The following NTSR2 variants were observed in gnomAD, a reference collection of about 807,000 sequenced individuals.
NTSR2 encodes neurotensin receptor type 2.
In NTSR2, 22 loss-of-function variants were observed where a neutral mutation model predicts 24.1. That is an observed-to-expected ratio of 0.91 (90% confidence interval 0.65 to 1.30). The LOEUF (loss-of-function observed/expected upper bound fraction) is 1.30. NTSR2 is among the 50% of genes most tolerant of loss of function. The probability of loss-of-function intolerance (pLI) is 0.00; values close to 1 mark genes in which losing one functional copy is unlikely to be tolerated. For missense variants in NTSR2, 570 were observed against 570.4 expected, an observed-to-expected ratio of 1.00 and a Z score of 0.01; for synonymous variants, 291 against 267.0, an observed-to-expected ratio of 1.09 and a Z score of -0.88.
At chr2:11,665,887 C>G (rs1661187855) in intron 1 of NTSR2, 1 of 155,706 alleles carries the variant, frequency 6.4e-6, no homozygotes, top group Non-Finnish European at 1.5e-5. Context: ...AGTGCCTCAG[C>G]CTACTTTGCA....
In NTSR2 at chr2:11,669,938, G is replaced by A. The variant is rs11556847; in HGVS notation, c.192C>T (p.Arg64=). 2.6e-4 allele frequency: 393 copies of A among 1,518,376 alleles called. No individual in the cohort carries two copies. Among genetic ancestry groups the A allele is most frequent in the Admixed American group, 5.0e-4 (23 of 46,390 alleles). 94.1% of individuals were successfully genotyped at this position (1,518,376 alleles called of 1,614,324 possible). Residue 64 remains arginine, a synonymous_variant, in exon 1 of 4, where the codon CGC becomes CGT. Coordinates refer to ENST00000306928, the MANE Select transcript of NTSR2 (RefSeq NM_012344.4). The part of the protein sequence containing the change: ...AHVVLKARAG[R]AGRLRHHVLS... Reference sequence around the variant, plus strand: ...GCACGTGGTGGCGCAGGCGCCCCGCGCGCCCGGCCCGCGCCTTCAGCACCA... The same window carrying A: ...GCACGTGGTGGCGCAGGCGCCCCGCACGCCCGGCCCGCGCCTTCAGCACCA...
intron 1 of NTSR2, among the ~76,000 whole-genome samples, chr2:11,664,410 G>A (rs1661149894): frequency 6.6e-6 from 1 of 152,170 alleles, no homozygotes; most frequent in African/African-American, 2.4e-5. Flanking sequence ...GAGCCACTGT[G>A]CCTGGACTAA....
At chr2:11,658,796 G>A (rs1274483324) in intron 3 of NTSR2, 74 bp from the exon 4 acceptor site, 1 of 1,529,702 alleles carries the variant, frequency 6.5e-7, no homozygotes, top group Admixed American at 1.8e-5. Flanking sequence ...ACTGGAGAAT[G>A]CCTCTCCTCC....
chr2:11,668,842 A>G (rs947995667), intron 1 of NTSR2, among the ~76,000 whole-genome samples: 7 of 152,226 alleles, frequency 4.6e-5, no homozygotes, highest in South Asian at 2.1e-4. Flanking sequence ...AAGACGGGAG[A>G]GTCCCTGGAG....
At position 11,669,532 on chromosome 2, in the gene NTSR2, G is replaced by C. The variant is rs773385020; in HGVS notation, c.598C>G (p.Arg200Gly). 5 of 1,465,972 alleles carry C rather than the reference G, an allele frequency of 3.4e-6. No individual in the cohort carries two copies. In the South Asian group the frequency reaches 5.6e-5, roughly 16 times the overall value. 90.8% of individuals were successfully genotyped at this position (1,465,972 alleles called of 1,614,324 possible). Residue 200 changes from arginine to glycine, a missense_variant, in exon 1 of 4, where the codon CGC (arginine) becomes GGC (glycine). Arg to Gly is a moderately radical substitution (Grantham distance 125, BLOSUM62 -2). Coordinates refer to ENST00000306928, the MANE Select transcript of NTSR2 (RefSeq NM_012344.4). ...ASRVCTVLVS[R>G]TALQVFIQVN... ...TGGATAAAGACTTGGAGCGCGGTGC[G>C]GCTCACCAGCACCGTGCACACTCGC...
At chr2:11,667,018 T>C (rs1230728846) in intron 1 of NTSR2, among the ~76,000 whole-genome samples, 1 of 152,214 alleles carries the variant, frequency 6.6e-6, no homozygotes, top group Non-Finnish European at 1.5e-5. Flanking sequence ...CATGATCTCA[T>C]TGAATTATCA....
Position 11,662,113 on chromosome 2 carries a change from G to T in NTSR2, c.752C>A (p.Pro251His), listed in dbSNP as rs1328027193. 6 of 1,613,090 alleles carry T rather than the reference G, an allele frequency of 3.7e-6. No individual in the cohort carries two copies. Among genetic ancestry groups the T allele is most frequent in the Middle Eastern group, 1.7e-4 (1 of 6,058 alleles). The change falls in exon 2 of 4, where the codon CCC becomes CAC. Residue 251 changes from proline to histidine, a missense_variant. Pro to His is a moderately conservative substitution (Grantham distance 77, BLOSUM62 -2). Coordinates refer to ENST00000306928, the MANE Select transcript of NTSR2 (RefSeq NM_012344.4). ...CTCACTCAGCAGCTCCAGGCGGCTG[G>T]GGGTGGAGCTGCCCGGGGTAGAAGT... ...PSTSTPGSST[P>H]SRLELLSEEG...
chr2:11,663,558 G>A (rs973520555), intron 1 of NTSR2, among the ~76,000 whole-genome samples: 6 of 152,122 alleles, frequency 3.9e-5, no homozygotes, highest in African/African-American at 1.2e-4. Flanking sequence ...ATTATTAACC[G>A]CAAAGAAAAC....
intron 1 of NTSR2, 47 bp downstream of exon 1, chr2:11,669,459 C>CCGGGGGGGGG: frequency 5.2e-4 from 174 of 337,778 alleles, no homozygotes; most frequent in East Asian, 7.7e-4. Flanking sequence ...CTCCCAGCAC[C>CCGGGGGGGGG]GCCCCCCCAC....
chr2:11,662,343 G>A (rs1661093132), intron 1 of NTSR2, 103 bp from the exon 2 acceptor site: 1 of 1,146,606 alleles, frequency 8.7e-7, no homozygotes, highest in Non-Finnish European at 1.2e-6. Context: ...AGAAGGAGCG[G>A]CAGAAGGGTT....
Position 11,669,518 on chromosome 2 carries a change from T to C in NTSR2, c.612A>G (p.Gln204=), listed in dbSNP as rs748976837. Residue 204 remains glutamine (Q), a synonymous_variant, in exon 1 of 4, where the codon CAA becomes CAG. Coordinates refer to ENST00000306928, the MANE Select transcript of NTSR2 (RefSeq NM_012344.4). ...CTVLVSRTAL[Q]VFIQVNVLVS... is the part of the protein sequence containing the mutation. ...TCCACGCCCTTACCTGGATAAAGAC[T>C]TGGAGCGCGGTGCGGCTCACCAGCA... The C allele has an allele frequency of 5.1e-6, 6 of 1,166,732 alleles. No homozygotes were observed. The highest frequency in any genetic ancestry group is 6.4e-6 in the Non-Finnish European group (6 of 938,930). The allele number at this position is 1,166,732 out of a possible 1,614,324, so 72.3% of individuals were successfully genotyped here.
chr2:11,661,296 G>A (rs1220868615), intron 2 of NTSR2, among the ~76,000 whole-genome samples: 4 of 152,172 alleles, frequency 2.6e-5, no homozygotes, highest in South Asian at 2.1e-4. Flanking sequence ...ACTGACCATC[G>A]TCCCTAAAAT....
intron 1 of NTSR2, 46 bp downstream of exon 1, chr2:11,669,460 G>GGGGGGGGGGGGCCCCCCCCCCCCCC: frequency 3.1e-5 from 8 of 254,718 alleles, no homozygotes; most frequent in Admixed American, 6.7e-5. Flanking sequence ...TCCCAGCACC[G>GGGGGGGGGGGGCCCCCCCCCCCCCC]CCCCCCCACC....
At chr2:11,660,974 C>A (rs79776214) in intron 2 of NTSR2, among the ~76,000 whole-genome samples, 1,984 of 152,236 alleles carry the variant, frequency 0.013, 96 homozygotes, top group East Asian at 0.11. Flanking sequence ...AGACTCTTAC[C>A]GCCTCTGTAC....
chr2:11,662,358 G>A, intron 1 of NTSR2, 118 bp from the exon 2 acceptor site: 1 of 1,006,652 alleles, frequency 9.9e-7, no homozygotes, highest in Non-Finnish European at 1.4e-6. Flanking sequence ...AGGGTTAGAA[G>A]ATAAGGTTGA....
chr2:11,660,391 C>T lies in NTSR2; in HGVS notation c.899-258G>A, dbSNP rs374620885. On this transcript the variant is annotated intron_variant, in intron 2 of 3. Coordinates refer to ENST00000306928, the MANE Select transcript of NTSR2 (RefSeq NM_012344.4). ...AGCAGGACACAGCATGCTTCTAGGA[C>T]CTCCTCCTGGCCACTAGAATATACT... Among the ~76,000 whole-genome samples the T allele has an allele frequency of 9.8e-5, 15 of 152,354 alleles. No individual in the cohort carries two copies. In the East Asian group the frequency reaches 2.9e-3, roughly 29 times the overall value.
Position 11,670,020 on chromosome 2 carries a change from G to T in NTSR2, c.110C>A (p.Ala37Glu). 1 of 1,516,644 alleles carries T rather than the reference G, an allele frequency of 6.6e-7. No homozygotes were observed. The highest frequency in any genetic ancestry group is 1.2e-5 in the South Asian group (1 of 81,004). 93.9% of individuals were successfully genotyped at this position (1,516,644 alleles called of 1,614,324 possible). A position where few individuals can be genotyped will look rare whatever the true frequency, so the allele number is the denominator to read the frequency against. Residue 37 changes from alanine to glutamate, a missense_variant, in exon 1 of 4, where the codon GCG becomes GAG. Ala to Glu is a moderately radical substitution (Grantham distance 107). Coordinates refer to ENST00000306928, the MANE Select transcript of NTSR2 (RefSeq NM_012344.4). ...TRLWAKVLFT[A>E]LYALIWALGA... ...CAGCGCCCAGATGAGTGCGTAGAGCGCGGTGAACAGCACCTTGGCCCAGAG... is the reference window on the plus strand; with the variant it reads ...CAGCGCCCAGATGAGTGCGTAGAGCTCGGTGAACAGCACCTTGGCCCAGAG...
intron 1 of NTSR2, among the ~76,000 whole-genome samples, chr2:11,662,904 G>A (rs564056213): frequency 1.2e-4 from 19 of 152,322 alleles, no homozygotes; most frequent in African/African-American, 4.6e-4. Flanking sequence ...TCATTCTTAT[G>A]ACATTTAGCA....
intron 1 of NTSR2, 46 bp downstream of exon 1, chr2:11,669,460 G>GGGGGGGGGGGCCCCCCCCCCCCCCC: frequency 2.0e-5 from 5 of 254,726 alleles, no homozygotes; most frequent in Non-Finnish European, 2.8e-5. Context: ...TCCCAGCACC[G>GGGGGGGGGGGCCCCCCCCCCCCCCC]CCCCCCCACC....
Sources: gnomAD v4.1 joint callset for allele counts (sites outside exome capture counted in the v4.1 genomes callset) on GRCh38, gnomAD v4.1.1 for gene constraint, MANE v1.5 for transcripts, NCBI Gene and HGNC (gene_info 2026-07-23, HGNC 2026-07-21) for gene names.